The following CYP2J2 variants were observed in gnomAD, a reference collection of about 807,000 sequenced individuals.
The protein encoded by CYP2J2 is cytochrome P450 2J2.
A neutral mutation model predicts 48.8 loss-of-function variants in CYP2J2; 41 were observed. The observed-to-expected ratio is 0.84, with a 90% confidence interval of 0.66 to 1.09. The LOEUF (loss-of-function observed/expected upper bound fraction) is 1.09. Among genes scored for constraint, CYP2J2 ranks in the 50% least tolerant of loss-of-function variants. The probability of loss-of-function intolerance (pLI) is 0.00; values close to 1 mark genes in which losing one functional copy is unlikely to be tolerated. For synonymous variants in CYP2J2, 221 were observed against 227.1 expected, an observed-to-expected ratio of 0.97 and a Z score of 0.24; for missense variants, 644 against 617.3, an observed-to-expected ratio of 1.04 and a Z score of -0.46.
chr1:59,926,877 T>G, upstream of CYP2J2: 1 of 789,510 alleles, frequency 1.3e-6, no homozygotes, highest in Non-Finnish European at 2.0e-6. Context: ...CCTGCGAAGA[T>G]GCCAGGCGCT....
chr1:59,912,395 G>A, intron 2 of CYP2J2, 84 bp from the exon 3 acceptor site: 2 of 1,435,202 alleles, frequency 1.4e-6, no homozygotes, highest in Non-Finnish European at 9.5e-7. Context: ...TGTATCAGAT[G>A]AAGGACAGGA....
chr1:59,904,777 A>T (rs909831343), intron 7 of CYP2J2, 94 bp downstream of exon 7: 23 of 1,095,374 alleles, frequency 2.1e-5, no homozygotes, highest in Non-Finnish European at 2.9e-5. Flanking sequence ...TTTTTCTTCC[A>T]TTTAAATGAT....
the CYP2J2 span, among the ~76,000 whole-genome samples, chr1:59,966,513 T>C: frequency 6.6e-6 from 1 of 152,140 alleles, no homozygotes; most frequent in Non-Finnish European, 1.5e-5. Context: ...CAAACACAGG[T>C]CTTTGACTCC....
At position 59,905,022 on chromosome 1, in the gene CYP2J2, T is replaced by C. The variant is rs1386222490; in HGVS notation, c.1040A>G (p.Gln347Arg). 1.2e-6 allele frequency: 2 copies of C among 1,613,980 alleles called. No individual in the cohort carries two copies. The highest frequency in any genetic ancestry group is 3.3e-5 in the Admixed American group (2 of 59,992). ...VQAEIDRVIG[Q>R]GQQPSTAARE... Reference sequence around the variant, plus strand: ...GGCGGCTGTGCTCGGCTGCTGCCCCTGGCCAATCACTCTGTCAATCTCAGC... The same window carrying C: ...GGCGGCTGTGCTCGGCTGCTGCCCCCGGCCAATCACTCTGTCAATCTCAGC... Residue 347 changes from glutamine to arginine, a missense_variant, in exon 7 of 9, where the codon CAG becomes CGG. Coordinates refer to ENST00000371204, the MANE Select transcript of CYP2J2 (RefSeq NM_000775.4).
At chr1:59,968,869 A>G in the CYP2J2 span, among the ~76,000 whole-genome samples, 494 of 152,176 alleles carry the variant, frequency 3.2e-3, 1 homozygote, top group African/African-American at 0.011. Context: ...CCTCGCGGTG[A>G]GTGTTATAGC....
intron 6 of CYP2J2, among the ~76,000 whole-genome samples, chr1:59,907,390 A>C (rs866642535): frequency 1.3e-5 from 2 of 152,194 alleles, no homozygotes; most frequent in Non-Finnish European, 1.5e-5. Context: ...GAAGGGGCAT[A>C]TCGGAGGTTA....
At chr1:59,967,261 A>C in the CYP2J2 span, among the ~76,000 whole-genome samples, 1 of 152,148 alleles carries the variant, frequency 6.6e-6, no homozygotes, top group Non-Finnish European at 1.5e-5. Context: ...CAAACCTCTT[A>C]AAAGAGGTTT....
chr1:59,935,035 T>TATATATATAC, the CYP2J2 span, among the ~76,000 whole-genome samples: 1 of 93,420 alleles, frequency 1.1e-5, no homozygotes, highest in Non-Finnish European at 2.2e-5. Flanking sequence ...TATATATATA[T>TATATATATAC]ATATATATAT....
chr1:59,947,156 A>AT, the CYP2J2 span, among the ~76,000 whole-genome samples: 9,093 of 150,892 alleles, frequency 0.06, 332 homozygotes, highest in Admixed American at 0.11. Flanking sequence ...CTTGAGACTT[A>AT]TTTTTTTTTG....
intron 2 of CYP2J2, among the ~76,000 whole-genome samples, chr1:59,914,715 C>A (rs990281130): frequency 7.9e-5 from 12 of 152,214 alleles, no homozygotes; most frequent in African/African-American, 2.2e-4. Context: ...TCCAAGGTTT[C>A]TCCCCATGTG....
Position 59,926,732 on chromosome 1 carries a change from C to T in CYP2J2, c.15G>A (p.Met5Ile). ...CCCAGAGGGCAGCCGCCAGAGAGCCCATCGCCGCGAGCATGGCTCAGACGT... is the reference window on the plus strand; with the variant it reads ...CCCAGAGGGCAGCCGCCAGAGAGCCTATCGCCGCGAGCATGGCTCAGACGT... MLAA[M>I]GSLAAALWAV... The change falls in exon 1 of 9, where the codon ATG (methionine) becomes ATA (isoleucine). Residue 5 changes from methionine to isoleucine, a missense_variant. Coordinates refer to ENST00000371204, the MANE Select transcript of CYP2J2 (RefSeq NM_000775.4). The T allele has an allele frequency of 1.2e-6, 2 of 1,613,388 alleles. No individual in the cohort carries two copies. The highest frequency in any genetic ancestry group is 1.7e-6 in the Non-Finnish European group (2 of 1,179,716).
At chr1:59,894,507 A>T (rs538815008) in intron 8 of CYP2J2, among the ~76,000 whole-genome samples, 1 of 152,232 alleles carries the variant, frequency 6.6e-6, no homozygotes, top group East Asian at 1.9e-4. Context: ...ACTCCCTGTT[A>T]TGTGTGGGTG....
At chr1:59,916,894 G>T (rs1373435091) in intron 1 of CYP2J2, among the ~76,000 whole-genome samples, 1 of 152,008 alleles carries the variant, frequency 6.6e-6, no homozygotes, top group African/African-American at 2.4e-5. Context: ...TACCAAGTAT[G>T]GACTTCTTAG....
chr1:59,940,675 C>A, the CYP2J2 span, among the ~76,000 whole-genome samples: 1 of 152,098 alleles, frequency 6.6e-6, no homozygotes, highest in African/African-American at 2.4e-5. Flanking sequence ...TTTACCACTG[C>A]ACTATTAGTA....
At chr1:59,902,931 G>A (rs1395063518) in intron 7 of CYP2J2, among the ~76,000 whole-genome samples, 1 of 152,180 alleles carries the variant, frequency 6.6e-6, no homozygotes, top group Non-Finnish European at 1.5e-5. Flanking sequence ...TGACGTCAAA[G>A]TCATAGCTCG....
At chr1:59,950,068 A>T in the CYP2J2 span, among the ~76,000 whole-genome samples, 3 of 152,102 alleles carry the variant, frequency 2.0e-5, no homozygotes, top group Non-Finnish European at 2.9e-5. Context: ...CAACTAATGA[A>T]TTGCACTTTG....
chr1:59,944,297 A>C, the CYP2J2 span, among the ~76,000 whole-genome samples: 1 of 149,928 alleles, frequency 6.7e-6, no homozygotes, highest in African/African-American at 2.5e-5. Flanking sequence ...ATCTCGGCTT[A>C]CTGCAGCTTC....
chr1:59,916,733 A>G (rs939384228), intron 1 of CYP2J2, among the ~76,000 whole-genome samples: 2 of 152,128 alleles, frequency 1.3e-5, no homozygotes, highest in Non-Finnish European at 2.9e-5. Flanking sequence ...AGCCTGTCTC[A>G]ATATATAGAC....
intron 2 of CYP2J2, among the ~76,000 whole-genome samples, chr1:59,915,292 T>C (rs750645859): frequency 5.9e-5 from 9 of 152,236 alleles, no homozygotes; most frequent in Non-Finnish European, 1.2e-4. Context: ...TGTCTCTGTG[T>C]CTTATTTCTT....
Sources: gnomAD v4.1 joint callset for allele counts (sites outside exome capture counted in the v4.1 genomes callset) on GRCh38, gnomAD v4.1.1 for gene constraint, MANE v1.5 for transcripts, NCBI Gene and HGNC (gene_info 2026-07-23, HGNC 2026-07-21) for gene names.